The following PRICKLE1 variants were observed in gnomAD, a reference collection of about 807,000 sequenced individuals.
The protein encoded by PRICKLE1 is prickle-like protein 1.
Under a neutral mutation model 70.2 loss-of-function variants are expected in PRICKLE1, and 14 were observed. The observed-to-expected ratio is 0.20, with a 90% CI of 0.13 to 0.31. The LOEUF (loss-of-function observed/expected upper bound fraction) is 0.31. PRICKLE1 is among the 10% of genes least tolerant of loss of function. The probability of loss-of-function intolerance (pLI) is 1.00; values close to 1 mark genes in which losing one functional copy is unlikely to be tolerated. For synonymous variants in PRICKLE1, 357 were observed against 379.9 expected, an observed-to-expected ratio of 0.94 and a Z score of 0.70; for missense variants, 821 against 1,026.2, an observed-to-expected ratio of 0.80 and a Z score of 2.73.
At chr12:42,525,609 G>A (rs1302771260) in intron 1 of PRICKLE1, among the ~76,000 whole-genome samples, 1 of 152,142 alleles carries the variant, frequency 6.6e-6, no homozygotes, top group Admixed American at 6.5e-5. Context: ...CTGATTGACT[G>A]GTTGTTGGCA....
chr12:42,472,342 C>T, intron 2 of PRICKLE1, 43 bp downstream of exon 2: 1 of 1,611,336 alleles, frequency 6.2e-7, no homozygotes. Flanking sequence ...TCTGAACTCA[C>T]ACTGAAAAAC....
At chr12:42,538,620 G>A (rs999550230) in intron 1 of PRICKLE1, among the ~76,000 whole-genome samples, 4 of 152,096 alleles carry the variant, frequency 2.6e-5, no homozygotes, top group African/African-American at 9.7e-5. Context: ...TCCCTTCTCT[G>A]AACTTCTACT....
chr12:42,483,768 C>T (rs1265981614), intron 1 of PRICKLE1: 6 of 151,528 alleles, frequency 4.0e-5, no homozygotes, highest in African/African-American at 1.2e-4. Flanking sequence ...CCGCTGCAGC[C>T]CCTCAGCAGC....
At chr12:42,467,296 C>T (rs7133836) in intron 5 of PRICKLE1, among the ~76,000 whole-genome samples, 91,558 of 151,664 alleles carry the variant, frequency 0.6, 27,789 homozygotes, top group Admixed American at 0.67. Context: ...TTTGTATTTT[C>T]AGTAGAGACG....
rs546712652 is a variant in PRICKLE1, at chr12:42,508,532, T to C, written c.-48-35968A>G. Among the ~76,000 whole-genome samples, 5 of 152,240 alleles carry C rather than the reference T, an allele frequency of 3.3e-5. No individual in the cohort carries two copies. In the East Asian group the frequency reaches 7.7e-4, roughly 24 times the overall value. On this transcript the variant is annotated intron_variant, in intron 1 of 7. Transcript: ENST00000345127. ...TATATAACATACACCAAATTAGAAA[T>C]GTAAAATTCATCAACAGGACTCATT...
In PRICKLE1 at chr12:42,468,780, G is replaced by A. The variant is rs765119777; in HGVS notation, c.434C>T (p.Ala145Val). ...GGEVAVFASRAGPGVCWHPSC... is the reference protein window; with the variant it reads ...GGEVAVFASRVGPGVCWHPSC... ...TGGGTGCCAGCACACACCAGGGCCC[G>A]CACGGGAGGCGAACACTGCAACTTC... is the stretch of plus-strand genomic sequence containing the variant. Residue 145 changes from alanine (A) to valine (V), a missense_variant, in exon 5 of 8, where the codon GCG (alanine) becomes GTG (valine). Transcript: ENST00000345127. 57 of 1,613,982 alleles carry A rather than the reference G, an allele frequency of 3.5e-5. No individual in the cohort carries two copies. Among genetic ancestry groups the A allele is most frequent in the Admixed American group, 2.5e-4 (15 of 59,990 alleles).
chr12:42,536,515 G>A (rs11181546), intron 1 of PRICKLE1, among the ~76,000 whole-genome samples: 2 of 151,984 alleles, frequency 1.3e-5, no homozygotes, highest in Admixed American at 1.3e-4. Flanking sequence ...TCACAGTCCC[G>A]TGTCCTGAAA....
At position 42,531,938 on chromosome 12, in the gene PRICKLE1, G is replaced by A. The variant is rs114359201; in HGVS notation, c.-49+57527C>T. Among the ~76,000 whole-genome samples the A allele has an allele frequency of 2.8e-3, 430 of 152,228 alleles. 1 individual carries two copies. Among genetic ancestry groups the A allele is most frequent in the African/African-American group, 9.8e-3 (407 of 41,550 alleles). ...TTTAGGAGGCCGAAGTGGGAAGATC[G>A]CTTGAACCCAGGAGTTCAAGAGCAG... On this transcript the variant is annotated intron_variant, in intron 1 of 7. Coordinates refer to ENST00000345127, the MANE Select transcript of PRICKLE1 (RefSeq NM_153026.3).
intron 1 of PRICKLE1, among the ~76,000 whole-genome samples, chr12:42,572,081 A>G (rs916093418): frequency 6.6e-6 from 1 of 152,164 alleles, no homozygotes; most frequent in Non-Finnish European, 1.5e-5. Context: ...AAAATTATTA[A>G]TATCCCAGAT....
chr12:42,460,625 C>A lies in PRICKLE1; in HGVS notation c.1680G>T (p.Leu560Phe), dbSNP rs1310624941. ...VDGENKPRPS[L>F]YSLQNFEEME... ...TCTCCTCAAAATTTTGCAGAGAATA[C>A]AATGATGGCCTTGGCTTGTTTTCTC... The change falls in exon 8 of 8, where the codon TTG (leucine) becomes TTT (phenylalanine). Residue 560 changes from leucine (L) to phenylalanine (F), a missense_variant. Physicochemically the swap from Leu to Phe is conservative, Grantham distance 22. Coordinates refer to ENST00000345127, the MANE Select transcript of PRICKLE1 (RefSeq NM_153026.3). The A allele has an allele frequency of 1.2e-6, 2 of 1,612,440 alleles. No individual in the cohort carries two copies. Among genetic ancestry groups the A allele is most frequent in the Admixed American group, 1.7e-5 (1 of 60,014 alleles).
At chr12:42,505,431 T>TTTTTTG (rs1363006926) in intron 1 of PRICKLE1, among the ~76,000 whole-genome samples, 10 of 152,154 alleles carry the variant, frequency 6.6e-5, no homozygotes, top group Admixed American at 4.6e-4. Flanking sequence ...TTGCCTTTGT[T>TTTTTTG]TTTTTGTTTT....
intron 1 of PRICKLE1, among the ~76,000 whole-genome samples, chr12:42,509,313 G>A (rs1186399473): frequency 6.6e-6 from 1 of 152,200 alleles, no homozygotes; most frequent in African/African-American, 2.4e-5. Context: ...AGGCTAACAT[G>A]AAGGAAAAGT....
At chr12:42,506,361 A>G (rs1170149699) in intron 1 of PRICKLE1, among the ~76,000 whole-genome samples, 1 of 146,216 alleles carries the variant, frequency 6.8e-6, no homozygotes, top group Non-Finnish European at 1.5e-5. Flanking sequence ...GGTTCAAGCG[A>G]TTCTTCTGCC....
At chr12:42,527,921 A>T (rs1488694285) in intron 1 of PRICKLE1, among the ~76,000 whole-genome samples, 1 of 3,468 alleles carries the variant, frequency 2.9e-4, no homozygotes, top group Admixed American at 3.0e-3. Context: ...TTTATAATAT[A>T]TATATATATA....
chr12:42,505,225 C>T (rs1284107195), intron 1 of PRICKLE1, among the ~76,000 whole-genome samples: 1 of 152,160 alleles, frequency 6.6e-6, no homozygotes, highest in Non-Finnish European at 1.5e-5. Flanking sequence ...GGGTCCACCC[C>T]TTGGCCATGT....
intron 1 of PRICKLE1, among the ~76,000 whole-genome samples, chr12:42,523,732 C>T (rs540388820): frequency 6.6e-6 from 1 of 152,286 alleles, no homozygotes; most frequent in South Asian, 2.1e-4. Context: ...GATTTGGATA[C>T]CTGTCACTTA....
intron 1 of PRICKLE1, among the ~76,000 whole-genome samples, chr12:42,560,137 A>C (rs1203575354): frequency 2.8e-5 from 3 of 108,150 alleles, no homozygotes; most frequent in African/African-American, 1.1e-4. Flanking sequence ...TATTATTATT[A>C]TTATTATTAT....
At chr12:42,503,484 A>G (rs1361606282) in intron 1 of PRICKLE1, among the ~76,000 whole-genome samples, 1 of 152,206 alleles carries the variant, frequency 6.6e-6, no homozygotes. Flanking sequence ...AGACTATCAC[A>G]ATACAAATCT....
chr12:42,479,522 G>A (rs183479001), intron 1 of PRICKLE1, among the ~76,000 whole-genome samples: 1 of 152,174 alleles, frequency 6.6e-6, no homozygotes, highest in Non-Finnish European at 1.5e-5. Context: ...ATAATGAGGG[G>A]TTCCTTTGTG....
Sources: allele counts gnomAD v4.1 joint callset (sites outside exome capture counted in the v4.1 genomes callset), GRCh38; gene constraint gnomAD v4.1.1; transcripts MANE v1.5; gene names NCBI Gene and HGNC (gene_info 2026-07-23, HGNC 2026-07-21).